Variants in BORCS5 observed in about 807,000 individuals in gnomAD.
BORCS5 encodes BLOC-1-related complex subunit 5.
BORCS5 carries 17 observed loss-of-function variants against 22.1 expected under a neutral mutation model. That is an observed-to-expected ratio of 0.77 (90% CI 0.53 to 1.15). BORCS5 has a LOEUF of 1.15. Ranked by LOEUF, BORCS5 falls within the 50% of genes most tolerant of loss-of-function variation. BORCS5 has a pLI of 0.00. For synonymous variants in BORCS5, 117 were observed against 99.8 expected, an observed-to-expected ratio of 1.17 and a Z score of -1.03; for missense variants, 247 against 253.2, an observed-to-expected ratio of 0.98 and a Z score of 0.17.
At chr12:12,368,995 T>G (rs1863464186) in intron 2 of BORCS5, among the ~76,000 whole-genome samples, 1 of 152,172 alleles carries the variant, frequency 6.6e-6, no homozygotes. Flanking sequence ...TGTGTGCATA[T>G]TGATTTATTT....
chr12:12,375,665 A>G (rs1863633041), intron 2 of BORCS5, among the ~76,000 whole-genome samples: 1 of 152,074 alleles, frequency 6.6e-6, no homozygotes, highest in Admixed American at 6.5e-5. Flanking sequence ...TAACGTTTAA[A>G]TATTTTTTCC....
At chr12:12,455,288 GCCT>G (rs1942978507) in intron 3 of BORCS5, among the ~76,000 whole-genome samples, 1 of 152,160 alleles carries the variant, frequency 6.6e-6, no homozygotes, top group Non-Finnish European at 1.5e-5. Flanking sequence ...CATCCATCAT[GCCT>G]CCTCCTCCCA....
chr12:12,427,666 G>A (rs1942323572), intron 2 of BORCS5, among the ~76,000 whole-genome samples: 1 of 152,150 alleles, frequency 6.6e-6, no homozygotes, highest in Non-Finnish European at 1.5e-5. Flanking sequence ...CATAAACCGG[G>A]TGGCTTAAAC....
At chr12:12,413,322 C>T (rs1407420499) in intron 2 of BORCS5, among the ~76,000 whole-genome samples, 2 of 135,060 alleles carry the variant, frequency 1.5e-5, no homozygotes, top group Non-Finnish European at 1.6e-5. Flanking sequence ...TTTAACAAAG[C>T]ACATCTTGCA....
intron 3 of BORCS5, among the ~76,000 whole-genome samples, chr12:12,450,854 T>C (rs533427342): frequency 1.3e-5 from 2 of 152,214 alleles, no homozygotes; most frequent in Admixed American, 1.3e-4. Flanking sequence ...ATAAAGATAA[T>C]GTATGTAAAC....
intron 3 of BORCS5, among the ~76,000 whole-genome samples, chr12:12,438,037 C>T (rs565834584): frequency 6.6e-6 from 1 of 152,232 alleles, no homozygotes; most frequent in Non-Finnish European, 1.5e-5. Flanking sequence ...CCAGACTCTA[C>T]CATTTTTTAC....
In BORCS5 at chr12:12,416,833, G is replaced by A. The variant is rs539178858; in HGVS notation, c.203-18795G>A. Reference sequence around the variant, plus strand: ...GTCTTGCTTTGTTGCCCAGGCTGGAGTGCAGTGGCACAGTCTCAGCTCACT... The same window carrying A: ...GTCTTGCTTTGTTGCCCAGGCTGGAATGCAGTGGCACAGTCTCAGCTCACT... On this transcript the variant is annotated intron_variant, in intron 2 of 3. Transcript: ENST00000314565. 4.1e-5 allele frequency among the ~76,000 whole-genome samples: 6 copies of A among 147,626 alleles called. No individual in the cohort carries two copies. In the South Asian group the frequency reaches 1.3e-3, roughly 31 times the overall value.
chr12:12,379,466 A>G (rs1443284032), intron 2 of BORCS5, among the ~76,000 whole-genome samples: 1 of 151,536 alleles, frequency 6.6e-6, no homozygotes, highest in African/African-American at 2.4e-5. Context: ...TTATTCAAAA[A>G]TAGTAAGTTT....
chr12:12,406,915 T>G (rs1941608637), intron 2 of BORCS5, among the ~76,000 whole-genome samples: 1 of 152,140 alleles, frequency 6.6e-6, no homozygotes, highest in South Asian at 2.1e-4. Flanking sequence ...CTAAGGTTTT[T>G]GGGTTATTGA....
At chr12:12,413,907 G>A (rs1941821667) in intron 2 of BORCS5, among the ~76,000 whole-genome samples, 1 of 58,438 alleles carries the variant, frequency 1.7e-5, no homozygotes, top group African/African-American at 1.1e-4. Flanking sequence ...CCTCCCTCCC[G>A]GACTGGGCGG....
intron 2 of BORCS5, among the ~76,000 whole-genome samples, chr12:12,420,695 T>C (rs1292156848): frequency 2.0e-5 from 3 of 152,224 alleles, no homozygotes; most frequent in Admixed American, 2.0e-4. Context: ...TATTCTTCCA[T>C]TTGTTTGTGT....
At chr12:12,359,362 CTCT>C (rs1279068675) in intron 1 of BORCS5, among the ~76,000 whole-genome samples, 1 of 130,360 alleles carries the variant, frequency 7.7e-6, no homozygotes, top group African/African-American at 2.7e-5. Flanking sequence ...TGAGACTTGA[CTCT>C]TTTTTTTTTT....
intron 2 of BORCS5, among the ~76,000 whole-genome samples, chr12:12,433,242 A>G (rs1942472409): frequency 6.9e-6 from 1 of 144,750 alleles, no homozygotes; most frequent in East Asian, 2.2e-4. Context: ...GCCTTGTTCA[A>G]TTGCTTGAAC....
chr12:12,461,217 G>A (rs556932938), intron 3 of BORCS5, among the ~76,000 whole-genome samples: 103 of 149,066 alleles, frequency 6.9e-4, no homozygotes, highest in African/African-American at 2.5e-3. Context: ...TTTCCAGGCT[G>A]GAGTGTAGCG....
At chr12:12,391,518 T>C (rs1411475358) in intron 2 of BORCS5, among the ~76,000 whole-genome samples, 1 of 151,636 alleles carries the variant, frequency 6.6e-6, no homozygotes, top group Non-Finnish European at 1.5e-5. Flanking sequence ...CCCAAGTCGC[T>C]GGGACTACAG....
intron 2 of BORCS5, among the ~76,000 whole-genome samples, chr12:12,372,848 A>T (rs1230222485): frequency 1.3e-5 from 2 of 152,166 alleles, no homozygotes; most frequent in East Asian, 3.8e-4. Flanking sequence ...CAGAGATTTA[A>T]GGGTACCCTG....
intron 2 of BORCS5, among the ~76,000 whole-genome samples, chr12:12,371,460 CTTTTTGTAT>C (rs1863526796): frequency 6.6e-6 from 1 of 152,004 alleles, no homozygotes; most frequent in Admixed American, 6.5e-5. Context: ...CCCAACTAAT[CTTTTTGTAT>C]TTTTTGTAGA....
At chr12:12,461,273 A>G (rs373127006) in intron 3 of BORCS5, among the ~76,000 whole-genome samples, 5 of 151,422 alleles carry the variant, frequency 3.3e-5, no homozygotes, top group African/African-American at 1.2e-4. Context: ...AGAGCAAGCA[A>G]TTTTCTCACC....
chr12:12,444,110 T>C (rs1942737642), intron 3 of BORCS5, among the ~76,000 whole-genome samples: 1 of 152,238 alleles, frequency 6.6e-6, no homozygotes, highest in Non-Finnish European at 1.5e-5. Flanking sequence ...TGGCATGTAG[T>C]AGATGTTGAA....
Sources: allele counts gnomAD v4.1 joint callset (sites outside exome capture counted in the v4.1 genomes callset), GRCh38; gene constraint gnomAD v4.1.1; transcripts MANE v1.5; gene names NCBI Gene and HGNC (gene_info 2026-07-23, HGNC 2026-07-21).